ARID4A: variants seen among roughly 807,000 people sequenced by gnomAD.
ARID4A encodes AT-rich interactive domain-containing protein 4A.
ARID4A carries 39 observed loss-of-function variants against 148.6 expected under a neutral mutation model. The ratio of observed to expected loss-of-function variants is 0.26; its 90% CI spans 0.20 to 0.34. The LOEUF (loss-of-function observed/expected upper bound fraction) is 0.34, where lower values mean the gene tolerates loss of function less well. ARID4A is among the 10% of genes least tolerant of loss of function. The probability of loss-of-function intolerance (pLI) is 1.00; values close to 1 mark genes in which losing one functional copy is unlikely to be tolerated. For synonymous variants in ARID4A, 475 were observed against 481.2 expected (o/e 0.99, Z 0.17); for missense variants, 1,265 against 1,449.1 (o/e 0.87, Z 2.06).
intron 12 of ARID4A, among the ~76,000 whole-genome samples, chr14:58,345,719 C>CTTTTTTTTTT (rs869137059): frequency 5.3e-5 from 4 of 75,874 alleles, no homozygotes; most frequent in African/African-American, 1.8e-4. Context: ...TATGCCTAAA[C>CTTTTTTTTTT]TTTTTTTTTT....
chr14:58,346,361 T>C (rs1172624480), intron 12 of ARID4A, 50 bp from the exon 13 acceptor site: 3 of 1,308,312 alleles, frequency 2.3e-6, no homozygotes, highest in Non-Finnish European at 3.3e-6. Flanking sequence ...TTCAAATTAG[T>C]ATTTCTCATT....
chr14:58,319,390 G>A (rs1015385165), intron 7 of ARID4A, among the ~76,000 whole-genome samples: 1 of 151,740 alleles, frequency 6.6e-6, no homozygotes, highest in African/African-American at 2.4e-5. Context: ...CAGGCCCAAA[G>A]TTTTTAATTG....
At chr14:58,326,052 T>A (rs756326769) in intron 8 of ARID4A, among the ~76,000 whole-genome samples, 1 of 152,192 alleles carries the variant, frequency 6.6e-6, no homozygotes, top group Non-Finnish European at 1.5e-5. Context: ...AGATTACATT[T>A]ATTTGAGGAA....
Position 58,298,600 on chromosome 14 carries a change from C to G in ARID4A, c.-158C>G, listed in dbSNP as rs1594850449. 1 of 153,074 alleles carries G rather than the reference C, an allele frequency of 6.5e-6. No individual in the cohort carries two copies. Among genetic ancestry groups the G allele is most frequent in the East Asian group, 1.9e-4 (1 of 5,172 alleles). The allele number at this position is 153,074 out of a possible 1,614,324, so 9.5% of individuals were successfully genotyped here. On this transcript the variant is annotated 5_prime_UTR_variant, in exon 1 of 24. Coordinates refer to ENST00000355431, the MANE Select transcript of ARID4A (RefSeq NM_002892.4). The stretch of plus-strand genomic sequence containing the variant: ...GCGAGTGGGGAACCCGGCGCAGGAA[C>G]TGCAGCCGCGGCTGGGAGTGGTGCT...
intron 2 of ARID4A, among the ~76,000 whole-genome samples, chr14:58,300,860 G>A (rs1001789672): frequency 2.0e-5 from 3 of 150,666 alleles, no homozygotes; most frequent in Admixed American, 1.3e-4. Context: ...TCCTGTTACT[G>A]TAAAAATTAA....
chr14:58,329,261 C>T (rs930133239), intron 9 of ARID4A, among the ~76,000 whole-genome samples: 6 of 152,020 alleles, frequency 3.9e-5, no homozygotes, highest in East Asian at 1.9e-4. Flanking sequence ...TGAATTACCC[C>T]GTACTATCTG....
chr14:58,350,018 C>G (rs1425207701), intron 15 of ARID4A, among the ~76,000 whole-genome samples: 1 of 149,254 alleles, frequency 6.7e-6, no homozygotes, highest in Non-Finnish European at 1.5e-5. Flanking sequence ...CTGAGAATCG[C>G]TTGAACCTGG....
At chr14:58,300,244 C>T (rs2031031000) in intron 2 of ARID4A, among the ~76,000 whole-genome samples, 2 of 151,984 alleles carry the variant, frequency 1.3e-5, no homozygotes, top group South Asian at 2.1e-4. Flanking sequence ...AGAAAGAATA[C>T]GTGGATTAAG....
chr14:58,353,865 A>G lies in ARID4A; in HGVS notation c.1853+10A>G, dbSNP rs745622783. ...ATGGATGGAATGTCAGGTAAGCAAG[A>G]AACTATTTTCTTACTATTGAAATTT... On this transcript the variant is annotated intron_variant, in intron 17 of 23. Coordinates refer to ENST00000355431, the MANE Select transcript of ARID4A (RefSeq NM_002892.4). 8 of 1,604,306 alleles carry G rather than the reference A, an allele frequency of 5.0e-6. No homozygotes were observed. In the African/African-American group the frequency reaches 1.1e-4, roughly 22 times the overall value.
At position 58,342,041 on chromosome 14, in the gene ARID4A, G is replaced by C. The variant is rs115516281; in HGVS notation, c.907-2654G>C. Among the ~76,000 whole-genome samples the C allele has an allele frequency of 2.5e-3, 376 of 152,270 alleles. 1 individual carries two copies. The highest frequency in any genetic ancestry group is 8.3e-3 in the African/African-American group (344 of 41,550). ...TGGACAGAGAAAGCAAACCGTGATA[G>C]CAATTAAGAGCCCCATACAAAAGTC... is the stretch of plus-strand genomic sequence containing the variant. On this transcript the variant is annotated intron_variant, in intron 11 of 23. Coordinates refer to ENST00000355431, the MANE Select transcript of ARID4A (RefSeq NM_002892.4).
intron 5 of ARID4A, among the ~76,000 whole-genome samples, chr14:58,317,718 G>A (rs2032560258): frequency 7.8e-6 from 1 of 128,056 alleles, no homozygotes; most frequent in Non-Finnish European, 1.6e-5. Flanking sequence ...TTGAGCCTTG[G>A]TTTTTCGCGG....
At chr14:58,352,774 A>G (rs2034696117) in intron 16 of ARID4A, among the ~76,000 whole-genome samples, 1 of 152,146 alleles carries the variant, frequency 6.6e-6, no homozygotes. Context: ...TGCTTGTGAC[A>G]CTAGAATGAT....
chr14:58,299,741 G>T, intron 1 of ARID4A, 57 bp from the exon 2 acceptor site: 1 of 1,446,340 alleles, frequency 6.9e-7, no homozygotes, highest in Non-Finnish European at 9.7e-7. Flanking sequence ...TCTTTCCCTT[G>T]GTCGCTCCCC....
chr14:58,302,864 G>A (rs2031293992), intron 3 of ARID4A, among the ~76,000 whole-genome samples: 1 of 152,162 alleles, frequency 6.6e-6, no homozygotes. Context: ...GGAGGCAGAG[G>A]TGGGAGAATT....
intron 12 of ARID4A, among the ~76,000 whole-genome samples, chr14:58,345,144 G>T (rs117567474): frequency 2.6e-5 from 4 of 152,270 alleles, no homozygotes; most frequent in Non-Finnish European, 4.4e-5. Flanking sequence ...CTCCCAAAGT[G>T]CTGAGATTAC....
chr14:58,316,114 C>T (rs1006807614), intron 5 of ARID4A, among the ~76,000 whole-genome samples: 2 of 152,094 alleles, frequency 1.3e-5, no homozygotes, highest in Non-Finnish European at 2.9e-5. Context: ...AATAAAACAA[C>T]CTTTTCAGAA....
At chr14:58,315,747 T>C (rs2032367056) in intron 5 of ARID4A, among the ~76,000 whole-genome samples, 1 of 152,240 alleles carries the variant, frequency 6.6e-6, no homozygotes, top group Non-Finnish European at 1.5e-5. Context: ...AGTTTTTATA[T>C]CAAATATTTA....
intron 20 of ARID4A, 49 bp downstream of exon 20, chr14:58,365,349 A>C (rs1288120296): frequency 6.5e-7 from 1 of 1,540,140 alleles, no homozygotes; most frequent in Non-Finnish European, 8.7e-7. Flanking sequence ...ACCAAAAATC[A>C]AAACTGTTGA....
intron 10 of ARID4A, 78 bp downstream of exon 10, chr14:58,329,682 C>G: frequency 8.2e-7 from 1 of 1,222,458 alleles, no homozygotes; most frequent in African/African-American, 1.5e-5. Context: ...AAGACTGATA[C>G]TCTCTGGTAC....
Sources: gnomAD v4.1 joint callset for allele counts (sites outside exome capture counted in the v4.1 genomes callset) on GRCh38, gnomAD v4.1.1 for gene constraint, MANE v1.5 for transcripts, NCBI Gene and HGNC (gene_info 2026-07-23, HGNC 2026-07-21) for gene names.